The following NFAM1 variants were observed in gnomAD, a reference collection of about 807,000 sequenced individuals.
NFAM1 encodes NFAT activating protein with ITAM motif 1.
In NFAM1, 17 loss-of-function variants were observed where a neutral mutation model predicts 29.0. That is an observed-to-expected ratio of 0.59 (90% confidence interval 0.40 to 0.88). The LOEUF is 0.88. Among genes scored for constraint, NFAM1 ranks in the 40% least tolerant of loss-of-function variants. The pLI is 0.00. For missense variants in NFAM1, 324 were observed against 344.6 expected (o/e 0.94, Z 0.47); for synonymous variants, 175 against 147.2 (o/e 1.19, Z -1.36).
chr22:42,398,654 T>G (rs1306358309), intron 3 of NFAM1, among the ~76,000 whole-genome samples: 1 of 152,086 alleles, frequency 6.6e-6, no homozygotes, highest in Non-Finnish European at 1.5e-5. Context: ...CCTCAGGTGA[T>G]CCACCGCCTT....
chr22:42,428,556 C>T (rs1930699038), intron 1 of NFAM1, among the ~76,000 whole-genome samples: 2 of 152,170 alleles, frequency 1.3e-5, no homozygotes, highest in Non-Finnish European at 2.9e-5. Context: ...ATTCTCCTGC[C>T]TCAGCCTCCT....
chr22:42,398,568 C>T (rs1328501171), intron 3 of NFAM1, among the ~76,000 whole-genome samples: 4 of 151,914 alleles, frequency 2.6e-5, no homozygotes, highest in Non-Finnish European at 5.9e-5. Context: ...ATGTGTGCCA[C>T]CACGCCCGGC....
At chr22:42,398,554 G>A (rs1308930193) in intron 3 of NFAM1, among the ~76,000 whole-genome samples, 2 of 151,812 alleles carry the variant, frequency 1.3e-5, no homozygotes, top group East Asian at 3.9e-4. Flanking sequence ...CTGGGACTAC[G>A]GGCATGTGTG....
intron 1 of NFAM1, among the ~76,000 whole-genome samples, chr22:42,427,525 G>A (rs967708623): frequency 6.6e-6 from 1 of 152,210 alleles, no homozygotes; most frequent in Non-Finnish European, 1.5e-5. Flanking sequence ...AGCCACATGA[G>A]TCCGCACAGT....
At chr22:42,405,297 G>A (rs187320106) in intron 3 of NFAM1, among the ~76,000 whole-genome samples, 6 of 152,266 alleles carry the variant, frequency 3.9e-5, no homozygotes, top group South Asian at 2.1e-4. Context: ...ACTGTGTTTC[G>A]TGTACACAGA....
chr22:42,400,946 G>A (rs1929706038), intron 3 of NFAM1, among the ~76,000 whole-genome samples: 1 of 152,202 alleles, frequency 6.6e-6, no homozygotes. Context: ...GACCTGCCGG[G>A]GCTGGAAAGC....
chr22:42,435,696 C>T (rs1440134003), upstream of NFAM1, among the ~76,000 whole-genome samples: 10 of 152,192 alleles, frequency 6.6e-5, no homozygotes, highest in East Asian at 1.7e-3. Flanking sequence ...GTGCCTACTG[C>T]GTGCCAGGCA....
chr22:42,433,617 C>G (rs1930872429), upstream of NFAM1, among the ~76,000 whole-genome samples: 1 of 152,200 alleles, frequency 6.6e-6, no homozygotes, highest in Non-Finnish European at 1.5e-5. Flanking sequence ...CAAACATGAA[C>G]AGTGAAAGCC....
intron 3 of NFAM1, among the ~76,000 whole-genome samples, chr22:42,398,382 TTTATTATTATTATTATTATTATTATTA>T (rs202112713): frequency 8.0e-5 from 10 of 125,428 alleles, no homozygotes; most frequent in Middle Eastern, 4.3e-3. Context: ...CTTGGTTTTA[TTTATTATTATTATTATTATTATTATTA>T]TTATTATTAT....
intron 3 of NFAM1, among the ~76,000 whole-genome samples, chr22:42,408,661 GCCT>G (rs1429185241): frequency 1.3e-5 from 2 of 152,262 alleles, no homozygotes; most frequent in African/African-American, 4.8e-5. Context: ...TCGGCCTCTG[GCCT>G]CCTGGCACTT....
chr22:42,410,118 T>C (rs7287930), intron 2 of NFAM1, among the ~76,000 whole-genome samples: 4,408 of 152,268 alleles, frequency 0.029, 216 homozygotes, highest in African/African-American at 0.1. Context: ...CACTGCCTAT[T>C]GTCAGCCACC....
chr22:42,388,350 A>C lies in NFAM1; in HGVS notation c.664-1272T>G, dbSNP rs1016858949. ...TGCACAAAGGGCCACACACACAGTC[A>C]GGGAAGTAGTAGGTGCTTAATAAAC... On this transcript the variant is annotated intron_variant, in intron 4 of 5. Coordinates refer to ENST00000329021, the MANE Select transcript of NFAM1 (RefSeq NM_145912.8). This position sits in a 1 kb window ranked among gnomAD's most constrained non-coding sequence, Gnocchi z 4.1. Among the ~76,000 whole-genome samples the C allele has an allele frequency of 6.6e-6, 1 of 152,244 alleles. No individual in the cohort carries two copies. The highest frequency in any genetic ancestry group is 6.5e-5 in the Admixed American group (1 of 15,278).
Position 42,409,671 on chromosome 22 carries a change from C to T in NFAM1, c.452-124G>A. The T allele has an allele frequency of 2.3e-6, 1 of 428,720 alleles. No individual in the cohort carries two copies. The allele number at this position is 428,720 out of a possible 1,614,324, so 26.6% of individuals were successfully genotyped here. A position where few individuals can be genotyped will look rare whatever the true frequency, so the allele number is the denominator to read the frequency against. On this transcript the variant is annotated intron_variant, in intron 2 of 5. Coordinates refer to ENST00000329021, the MANE Select transcript of NFAM1 (RefSeq NM_145912.8). The surrounding 1 kb of genome is among the most constrained non-coding windows in gnomAD (Gnocchi z 4.9). ...GCTACCCCGCCAACACGCTCCACAC[C>T]CCACTAGGCCCCCTGGGAGCCAGGG...
intron 1 of NFAM1, among the ~76,000 whole-genome samples, chr22:42,430,072 G>A (rs1230107592): frequency 6.6e-6 from 1 of 151,880 alleles, no homozygotes; most frequent in East Asian, 1.9e-4. Flanking sequence ...AGACCAGCCT[G>A]GGCAACACTG....
At position 42,426,553 on chromosome 22, in the gene NFAM1, C is replaced by T. The variant is rs183884195; in HGVS notation, c.121+5684G>A. 6.0e-4 allele frequency among the ~76,000 whole-genome samples: 91 copies of T among 152,320 alleles called. No homozygotes were observed. In the Middle Eastern group the frequency reaches 0.01, roughly 17 times the overall value. ...TCTGTGCTTGGCCTGGTGCTGGACT[C>T]GGCCTCAGAGAACCGGCTCAGGTGG... On this transcript the variant is annotated intron_variant, in intron 1 of 5. Transcript: ENST00000329021.
Position 42,388,914 on chromosome 22 carries a change from T to A in NFAM1, c.664-1836A>T, listed in dbSNP as rs1443766732. ...TTTGGAATGGAGGGAAACTTCCAAG[T>A]CCTGCCCTGCCTTGTGCGGCCTTCG... is the stretch of plus-strand genomic sequence containing the variant. On this transcript the variant is annotated intron_variant, in intron 4 of 5. Transcript: ENST00000329021. This position sits in a 1 kb window ranked among gnomAD's most constrained non-coding sequence, Gnocchi z 4.1. Among the ~76,000 whole-genome samples the A allele has an allele frequency of 1.3e-5, 2 of 152,248 alleles. No individual in the cohort carries two copies. Among genetic ancestry groups the A allele is most frequent in the Non-Finnish European group, 2.9e-5 (2 of 68,002 alleles).
rs578182900 is a variant in NFAM1 at position 42,429,835 on chromosome 22, G to A, written c.121+2402C>T. On this transcript the variant is annotated intron_variant, in intron 1 of 5. Transcript: ENST00000329021. ...GCTGATGGTTAAGGCTGATGGTTACGGTCAGGGGAGGTTTGGAAGATGTGG... is the reference window on the plus strand; with the variant it reads ...GCTGATGGTTAAGGCTGATGGTTACAGTCAGGGGAGGTTTGGAAGATGTGG... 5.3e-5 allele frequency among the ~76,000 whole-genome samples: 8 copies of A among 152,312 alleles called. No homozygotes were observed. In the South Asian group the frequency reaches 6.2e-4, roughly 12 times the overall value.
At chr22:42,399,434 G>A (rs1473475858) in intron 3 of NFAM1, among the ~76,000 whole-genome samples, 2 of 136,750 alleles carry the variant, frequency 1.5e-5, no homozygotes, top group African/African-American at 2.7e-5. Context: ...GAGACAGAGC[G>A]AGATCCCATC....
chr22:42,422,733 C>A (rs1476964028), intron 1 of NFAM1, among the ~76,000 whole-genome samples: 3 of 152,158 alleles, frequency 2.0e-5, no homozygotes, highest in African/African-American at 7.2e-5. Flanking sequence ...CTCAAAGGGG[C>A]ATCAGGATGG....
Sources: gnomAD v4.1 joint callset for allele counts (sites outside exome capture counted in the v4.1 genomes callset) on GRCh38, gnomAD v4.1.1 for gene constraint, Gnocchi (gnomAD v3.1) non-coding constraint, MANE v1.5 for transcripts, NCBI Gene and HGNC (gene_info 2026-07-23, HGNC 2026-07-21) for gene names.